Variants in RELN observed in about 807,000 individuals in gnomAD.
RELN encodes reelin.
A neutral mutation model predicts 427.6 loss-of-function variants in RELN; 108 were observed. The observed-to-expected ratio is 0.25, with a 90% CI of 0.22 to 0.30. RELN has a LOEUF of 0.30. Ranked by LOEUF, RELN falls within the 10% of genes least tolerant of loss-of-function variation. The pLI, the probability that RELN is intolerant of heterozygous loss-of-function variation, is 1.00. For missense variants in RELN, 3,715 were observed against 4,302.8 expected (o/e 0.86, Z 3.82); for synonymous variants, 1,524 against 1,513.4 (o/e 1.01, Z -0.16).
At chr7:103,845,148 T>TTG (rs1022921440) in intron 2 of RELN, among the ~76,000 whole-genome samples, 39 of 61,914 alleles carry the variant, frequency 6.3e-4, no homozygotes, top group African/African-American at 2.1e-3. Context: ...AAAAAAAAAT[T>TTG]TTTTTTTTTT....
rs113907872 is a variant in RELN, at chr7:103,719,168, A to G, written c.805+3972T>C. Among the ~76,000 whole-genome samples the G allele has an allele frequency of 9.6e-4, 146 of 152,314 alleles. 1 individual carries two copies. The highest frequency in any genetic ancestry group is 3.4e-3 in the African/African-American group (143 of 41,584). On this transcript the variant is annotated intron_variant, in intron 8 of 64. Transcript: ENST00000428762. ...TTAAGTAAGTTGAAGCCCTGAGCTG[A>G]TACAGATTAGTCTTCAGATAGATGC...
chr7:103,542,911 A>AC, intron 42 of RELN, 33 bp from the exon 43 acceptor site: 11 of 1,607,304 alleles, frequency 6.8e-6, no homozygotes, highest in Non-Finnish European at 9.4e-6. Flanking sequence ...TTTACCTATG[A>AC]CCCCAACTAT....
At chr7:103,820,135 G>C (rs1416726270) in intron 3 of RELN, among the ~76,000 whole-genome samples, 2 of 151,930 alleles carry the variant, frequency 1.3e-5, no homozygotes, top group Non-Finnish European at 2.9e-5. Flanking sequence ...AAAAATGTCA[G>C]ATATTTCATT....
At chr7:103,588,801 A>G (rs956028580) in intron 28 of RELN, among the ~76,000 whole-genome samples, 1 of 152,164 alleles carries the variant, frequency 6.6e-6, no homozygotes, top group Non-Finnish European at 1.5e-5. Flanking sequence ...GAAATCTCCA[A>G]AAATACAAGA....
chr7:103,679,626 TTTCCTCTGATG>T (rs1833611345), intron 11 of RELN, among the ~76,000 whole-genome samples: 1 of 152,192 alleles, frequency 6.6e-6, no homozygotes, highest in African/African-American at 2.4e-5. Context: ...GTTAATGGAA[TTTCCTCTGATG>T]TTCCTCTGTG....
intron 57 of RELN, among the ~76,000 whole-genome samples, chr7:103,494,541 ATTT>A (rs35989965): frequency 0.36 from 44,975 of 126,092 alleles, 7,805 homozygotes; most frequent in East Asian, 0.53. Context: ...CGCCCAGCTA[ATTT>A]TTTTTTTTTT....
At chr7:103,820,016 T>C (rs933025447) in intron 3 of RELN, among the ~76,000 whole-genome samples, 3 of 152,012 alleles carry the variant, frequency 2.0e-5, no homozygotes, top group Non-Finnish European at 4.4e-5. Context: ...ATAGATTTAA[T>C]TGTTCATTTA....
intron 20 of RELN, among the ~76,000 whole-genome samples, chr7:103,623,253 T>C (rs1166539967): frequency 3.3e-5 from 5 of 152,232 alleles, no homozygotes; most frequent in Non-Finnish European, 7.3e-5. Context: ...GGGAGCCATC[T>C]CACCCGGACT....
chr7:103,752,584 A>AT (rs956290576), intron 5 of RELN, among the ~76,000 whole-genome samples: 146 of 150,002 alleles, frequency 9.7e-4, no homozygotes, highest in African/African-American at 2.9e-3. Flanking sequence ...AATTTTTAAC[A>AT]TTTTTTTTTG....
chr7:103,740,736 G>T (rs1790623773), intron 6 of RELN, among the ~76,000 whole-genome samples: 1 of 152,160 alleles, frequency 6.6e-6, no homozygotes, highest in Admixed American at 6.5e-5. Flanking sequence ...TACATTGTGA[G>T]TGTTTTAACT....
Position 103,640,394 on chromosome 7 carries a change from G to T in RELN, c.2069+149C>A, listed in dbSNP as rs1249501712. 4 of 739,066 alleles carry T rather than the reference G, an allele frequency of 5.4e-6. No individual in the cohort carries two copies. Among genetic ancestry groups the T allele is most frequent in the Non-Finnish European group, 9.3e-6 (4 of 429,574 alleles). The allele number at this position is 739,066 out of a possible 1,614,324, so 45.8% of individuals were successfully genotyped here. On this transcript the variant is annotated intron_variant, in intron 17 of 64. Coordinates refer to ENST00000428762, the MANE Select transcript of RELN (RefSeq NM_005045.4). The surrounding 1 kb of genome is among the most constrained non-coding windows in gnomAD (Gnocchi z 4.1). ...TTAATTTTCACTTAAAAATACATTTGAATTACACTTAAGTTCTAATAGAAA... is the reference window on the plus strand; with the variant it reads ...TTAATTTTCACTTAAAAATACATTTTAATTACACTTAAGTTCTAATAGAAA...
At chr7:103,699,520 A>G (rs1233056044) in intron 9 of RELN, among the ~76,000 whole-genome samples, 3 of 152,148 alleles carry the variant, frequency 2.0e-5, no homozygotes, top group African/African-American at 4.8e-5. Flanking sequence ...TGAAAAATAG[A>G]TGGGTTCAGC....
intron 53 of RELN, among the ~76,000 whole-genome samples, chr7:103,498,530 C>T (rs1277474960): frequency 6.6e-6 from 1 of 151,578 alleles, no homozygotes; most frequent in Non-Finnish European, 1.5e-5. Context: ...CTTGCTCTGT[C>T]ACTTGGGCTG....
At chr7:103,852,129 C>G (rs1420909569) in intron 2 of RELN, among the ~76,000 whole-genome samples, 1 of 152,180 alleles carries the variant, frequency 6.6e-6, no homozygotes, top group Non-Finnish European at 1.5e-5. Context: ...CCATTTACTT[C>G]TACTTACTTT....
chr7:103,816,286 G>A (rs978733244), intron 3 of RELN, among the ~76,000 whole-genome samples: 2 of 152,262 alleles, frequency 1.3e-5, no homozygotes, highest in Non-Finnish European at 1.5e-5. Context: ...GGCTGGAGCA[G>A]GAGAATCCCT....
rs1227007493 is a variant in RELN at position 103,519,482 on chromosome 7, T to C, written c.7703A>G (p.Asn2568Ser). Reference protein sequence around the residue: ...CSRLLVTVDLNLTNAEFIQFY... With the variant: ...CSRLLVTVDLSLTNAEFIQFY... ...TTGGATGAACTCAGCATTAGTGAGG[T>C]TTAGATCCACAGTGACTAATAATCG... Residue 2568 changes from asparagine (N) to serine (S), a missense_variant, in exon 49 of 65, where the codon AAC becomes AGC. By Grantham distance (46) the Asn-to-Ser change is conservative (BLOSUM62 1). Around this residue, in one of 4 missense-constraint regions of RELN, gnomAD observed 1,310 missense variants for 1,643.0 expected, o/e 0.80. Transcript: ENST00000428762. The C allele has an allele frequency of 1.9e-6, 3 of 1,613,210 alleles. No individual in the cohort carries two copies. Among genetic ancestry groups the C allele is most frequent in the African/African-American group, 2.7e-5 (2 of 74,840 alleles).
intron 2 of RELN, among the ~76,000 whole-genome samples, chr7:103,862,407 T>TGTTC (rs557230589): frequency 0.059 from 7,143 of 120,378 alleles, 244 homozygotes; most frequent in East Asian, 0.25. Context: ...TTTATGCTTT[T>TGTTC]GTTCTATCTA....
At chr7:103,889,552 CGTT>C (rs1794799452) in intron 2 of RELN, among the ~76,000 whole-genome samples, 1 of 152,064 alleles carries the variant, frequency 6.6e-6, no homozygotes. Flanking sequence ...TTTCAGTCAC[CGTT>C]GATACAAACG....
At position 103,511,030 on chromosome 7, in the gene RELN, A is replaced by G. The variant is rs113023799; in HGVS notation, c.8120-25T>C. ...ACTTAAAACAAAAAAACAAAATTTT[A>G]TGACAAATTTGTGACAAAAATACTT... On this transcript the variant is annotated intron_variant, in intron 50 of 64. Coordinates refer to ENST00000428762, the MANE Select transcript of RELN (RefSeq NM_005045.4). 10 of 1,598,016 alleles carry G rather than the reference A, an allele frequency of 6.3e-6. No homozygotes were observed. In the African/African-American group the frequency reaches 6.7e-5, roughly 11 times the overall value.
Sources: gnomAD v4.1 joint callset for allele counts (sites outside exome capture counted in the v4.1 genomes callset) on GRCh38, gnomAD v4.1.1 for gene constraint, gnomAD v4.1.1 regional missense constraint, Gnocchi (gnomAD v3.1) non-coding constraint, MANE v1.5 for transcripts, NCBI Gene and HGNC (gene_info 2026-07-23, HGNC 2026-07-21) for gene names.